Variants in PRRC2B observed in about 807,000 individuals in gnomAD.
The protein encoded by PRRC2B is proline rich coiled-coil 2B.
PRRC2B carries 68 observed loss-of-function variants against 242.3 expected under a neutral mutation model. That is an observed-to-expected ratio of 0.28 (90% confidence interval 0.23 to 0.34). The LOEUF (loss-of-function observed/expected upper bound fraction) is 0.34, where lower values mean the gene tolerates loss of function less well. Ranked by LOEUF, PRRC2B falls within the 10% of genes least tolerant of loss-of-function variation. The pLI is 1.00. For missense variants in PRRC2B, 2,835 were observed against 2,954.8 expected, an observed-to-expected ratio of 0.96 and a Z score of 0.94; for synonymous variants, 1,228 against 1,173.6, an observed-to-expected ratio of 1.05 and a Z score of -0.95.
At chr9:131,444,689 G>A (rs1028390384) in intron 6 of PRRC2B, among the ~76,000 whole-genome samples, 2 of 152,154 alleles carry the variant, frequency 1.3e-5, no homozygotes, top group Non-Finnish European at 1.5e-5. Context: ...ACATCTAGTC[G>A]GAATCACTGG....
chr9:131,416,530 A>G (rs1302934316), intron 1 of PRRC2B, among the ~76,000 whole-genome samples: 2 of 152,158 alleles, frequency 1.3e-5, no homozygotes, highest in African/African-American at 2.4e-5. Context: ...TTAGTACAGT[A>G]TATTTGTCAC....
chr9:131,397,465 G>A lies in PRRC2B; in HGVS notation c.-52+3202G>A, dbSNP rs1837093999. ...CCTTGTGCTTAGCTGAGGGATTTTT[G>A]TTATTAATTTTTTTTTTCCTGTTCA... On this transcript the variant is annotated intron_variant, in intron 1 of 31. Coordinates refer to ENST00000683519, the MANE Select transcript of PRRC2B (RefSeq NM_013318.4). Among the ~76,000 whole-genome samples, 3 of 148,446 alleles carry A rather than the reference G, an allele frequency of 2.0e-5. No homozygotes were observed. The South Asian group carries it at 6.3e-4, about 31-fold the overall frequency.
chr9:131,494,358 GT>G lies in PRRC2B; in HGVS notation c.6474-46del. On this transcript the variant is annotated intron_variant, in intron 30 of 31. Coordinates refer to ENST00000683519, the MANE Select transcript of PRRC2B (RefSeq NM_013318.4). The surrounding 1 kb of genome is among the most constrained non-coding windows in gnomAD (Gnocchi z 4.3). ...TGTGCTAGGCTTTGACTCCATTTCT[GT>G]GGTGACACGTTGTGTATTCTCAACC... 1 of 1,013,232 alleles carries G rather than the reference GT, an allele frequency of 9.9e-7. No homozygotes were observed. The highest frequency in any genetic ancestry group is 1.4e-5 in the South Asian group (1 of 70,988). The allele number at this position is 1,013,232 out of a possible 1,614,324, so 62.8% of individuals were successfully genotyped here. A position where few individuals can be genotyped will look rare whatever the true frequency, so the allele number is the denominator to read the frequency against.
intron 1 of PRRC2B, among the ~76,000 whole-genome samples, chr9:131,386,091 C>T (rs1836823168): frequency 2.0e-5 from 3 of 148,938 alleles, no homozygotes; most frequent in African/African-American, 4.9e-5. Context: ...TTGAGTTTTA[C>T]GGGGCAAGTG....
rs1289344311 is a variant in PRRC2B, at chr9:131,498,479, C to G, written c.*2605C>G. ...GCCTCAGGCCTCCCAGCGCCCCAAC[C>G]CCTCCTTGGTCTAATGAAATGCAGT... On this transcript the variant is annotated 3_prime_UTR_variant, in exon 32 of 32. Transcript: ENST00000683519. The G allele has an allele frequency of 1.3e-5, 2 of 152,218 alleles. No homozygotes were observed. Among genetic ancestry groups the G allele is most frequent in the African/African-American group, 2.4e-5 (1 of 41,448 alleles). The allele number at this position is 152,218 out of a possible 1,614,324, so 9.4% of individuals were successfully genotyped here.
intron 11 of PRRC2B, among the ~76,000 whole-genome samples, chr9:131,464,426 A>T (rs1286403126): frequency 6.6e-6 from 1 of 152,160 alleles, no homozygotes; most frequent in East Asian, 1.9e-4. Context: ...CTTAGCTTGC[A>T]TGCCCATCAG....
intron 25 of PRRC2B, 147 bp from the exon 26 acceptor site, chr9:131,485,938 C>T: frequency 2.9e-6 from 2 of 697,764 alleles, no homozygotes; most frequent in Non-Finnish European, 5.2e-6. Context: ...TTCCGGCACA[C>T]AGGGAACCTA....
chr9:131,409,846 A>G lies in PRRC2B; in HGVS notation c.-52+15583A>G, dbSNP rs1261139187. The stretch of plus-strand genomic sequence containing the variant: ...CTGGTTAGAAGGAACAATCCAATAC[A>G]AATGCTGTCTCCGATTTCTCTTCTC... On this transcript the variant is annotated intron_variant, in intron 1 of 31. Coordinates refer to ENST00000683519, the MANE Select transcript of PRRC2B (RefSeq NM_013318.4). Among the ~76,000 whole-genome samples, 3 of 152,370 alleles carry G rather than the reference A, an allele frequency of 2.0e-5. No homozygotes were observed. The East Asian group carries it at 5.8e-4, about 29-fold the overall frequency.
chr9:131,446,269 C>A lies in PRRC2B; in HGVS notation c.614-132C>A. On this transcript the variant is annotated intron_variant, in intron 6 of 31. Coordinates refer to ENST00000683519, the MANE Select transcript of PRRC2B (RefSeq NM_013318.4). This position sits in a 1 kb window ranked among gnomAD's most constrained non-coding sequence, Gnocchi z 4.1. ...TTCCCTGACAGATTTAACAGTTCTTCACTTTTGGTGTTTTTTGTTTTTCAT... is the reference window on the plus strand; with the variant it reads ...TTCCCTGACAGATTTAACAGTTCTTAACTTTTGGTGTTTTTTGTTTTTCAT... 2.7e-6 allele frequency: 3 copies of A among 1,121,656 alleles called. No homozygotes were observed. The highest frequency in any genetic ancestry group is 2.5e-6 in the Non-Finnish European group (2 of 805,194). The allele number at this position is 1,121,656 out of a possible 1,614,324, so 69.5% of individuals were successfully genotyped here. A position where few individuals can be genotyped will look rare whatever the true frequency, so the allele number is the denominator to read the frequency against.
chr9:131,465,144 C>CAACT (rs1943355541), intron 12 of PRRC2B, 66 bp downstream of exon 12: 1 of 1,444,790 alleles, frequency 6.9e-7, no homozygotes, highest in Non-Finnish European at 9.4e-7. Flanking sequence ...TTGTTACTTG[C>CAACT]AACTGCCTTC....
chr9:131,382,769 C>A (rs1278864068), intron 1 of PRRC2B, among the ~76,000 whole-genome samples: 1 of 152,004 alleles, frequency 6.6e-6, no homozygotes, highest in Admixed American at 6.6e-5. Flanking sequence ...CTCAGCCTTC[C>A]AAGTAGCTGG....
At chr9:131,406,568 C>A (rs1837366509) in intron 1 of PRRC2B, among the ~76,000 whole-genome samples, 1 of 152,160 alleles carries the variant, frequency 6.6e-6, no homozygotes. Flanking sequence ...GCTATGAGGT[C>A]TTGAACAAAT....
At chr9:131,430,597 A>ATG (rs1564281640) in intron 2 of PRRC2B, among the ~76,000 whole-genome samples, 12 of 121,916 alleles carry the variant, frequency 9.8e-5, no homozygotes, top group Non-Finnish European at 1.9e-4. Flanking sequence ...GTGTGTGTGT[A>ATG]TATATATGTT....
At chr9:131,386,329 C>T (rs777484521) in intron 1 of PRRC2B, among the ~76,000 whole-genome samples, 7 of 150,136 alleles carry the variant, frequency 4.7e-5, no homozygotes, top group Non-Finnish European at 1.0e-4. Context: ...GCCTATGCTG[C>T]TGGTCTTGAA....
intron 13 of PRRC2B, among the ~76,000 whole-genome samples, chr9:131,470,499 G>C (rs1409993211): frequency 6.6e-6 from 1 of 152,172 alleles, no homozygotes; most frequent in African/African-American, 2.4e-5. Context: ...TTCCAGGAGT[G>C]TCTGATCTAG....
At position 131,474,442 on chromosome 9, in the gene PRRC2B, G is replaced by T. The variant is rs747573422; in HGVS notation, c.2325-12G>T. ...CCAATCGCATTGACTGATTTTTCTG[G>T]TTCCTTTTCAGGAATGAAAGCTCTT... is the stretch of plus-strand genomic sequence containing the variant. On this transcript the variant is annotated splice_polypyrimidine_tract_variant and intron_variant, in intron 15 of 31. Transcript: ENST00000683519. The T allele has an allele frequency of 1.1e-5, 18 of 1,592,212 alleles. No individual in the cohort carries two copies. The highest frequency in any genetic ancestry group is 1.5e-5 in the Non-Finnish European group (18 of 1,167,400).
intron 1 of PRRC2B, among the ~76,000 whole-genome samples, chr9:131,376,351 C>T (rs1836684435): frequency 1.6e-5 from 2 of 125,416 alleles, no homozygotes; most frequent in African/African-American, 6.1e-5. Flanking sequence ...GAGACTCCAT[C>T]TCAAAAAAAA....
At position 131,487,176 on chromosome 9, in the gene PRRC2B, G is replaced by A. The variant is rs369780098; in HGVS notation, c.5866G>A (p.Ala1956Thr). ...GTTTTCCCGTTCACAGGCCGCCGCT[G>A]CCCAGCAGATCCCGATCTCCCTTCA... ...QQQSYQQAAA[A>T]QQIPISLHTS... The change falls in exon 27 of 32, where the codon GCC (alanine) becomes ACC (threonine). Residue 1956 changes from alanine to threonine, a missense_variant. Ala to Thr is a moderately conservative substitution (Grantham distance 58). Transcript: ENST00000683519. The surrounding 1 kb of genome is among the most constrained non-coding windows in gnomAD (Gnocchi z 5.3). 4.3e-6 allele frequency: 7 copies of A among 1,613,548 alleles called. No homozygotes were observed. In the African/African-American group the frequency reaches 8.0e-5, roughly 18 times the overall value.
Position 131,446,743 on chromosome 9 carries a change from C to T in PRRC2B, c.855+101C>T. On this transcript the variant is annotated intron_variant, in intron 7 of 31. Coordinates refer to ENST00000683519, the MANE Select transcript of PRRC2B (RefSeq NM_013318.4). The surrounding 1 kb of genome is among the most constrained non-coding windows in gnomAD (Gnocchi z 4.1). The stretch of plus-strand genomic sequence containing the variant: ...GTCCCCCTTGGGGTCTCCTCTTGGC[C>T]CTGTTACCCTACTTCTGAGGCTTCC... 1 of 1,336,600 alleles carries T rather than the reference C, an allele frequency of 7.5e-7. No individual in the cohort carries two copies. The highest frequency in any genetic ancestry group is 2.3e-5 in the East Asian group (1 of 43,022). 82.8% of individuals were successfully genotyped at this position (1,336,600 alleles called of 1,614,324 possible). A position where few individuals can be genotyped will look rare whatever the true frequency, so the allele number is the denominator to read the frequency against.
Sources: allele counts gnomAD v4.1 joint callset (sites outside exome capture counted in the v4.1 genomes callset), GRCh38; gene constraint gnomAD v4.1.1; non-coding constraint Gnocchi (gnomAD v3.1); transcripts MANE v1.5; gene names NCBI Gene and HGNC (gene_info 2026-07-23, HGNC 2026-07-21).